The following TENM2 variants were observed in gnomAD, a reference collection of about 807,000 sequenced individuals.
TENM2 encodes teneurin transmembrane protein 2.
Under a neutral mutation model 245.2 loss-of-function variants are expected in TENM2, and 52 were observed. The observed-to-expected ratio is 0.21, with a 90% CI of 0.17 to 0.27. The LOEUF (loss-of-function observed/expected upper bound fraction) is 0.27, where lower values mean the gene tolerates loss of function less well. TENM2 is among the 10% of genes least tolerant of loss of function. The pLI, the probability that TENM2 is intolerant of heterozygous loss-of-function variation, is 1.00. For missense variants in TENM2, 3,046 were observed against 3,666.8 expected, an observed-to-expected ratio of 0.83 and a Z score of 4.37; for synonymous variants, 1,363 against 1,438.9, an observed-to-expected ratio of 0.95 and a Z score of 1.19.
the TENM2 span, among the ~76,000 whole-genome samples, chr5:167,224,235 C>T: frequency 6.6e-6 from 1 of 151,946 alleles, no homozygotes; most frequent in Non-Finnish European, 1.5e-5. Flanking sequence ...GTTGTCTGTG[C>T]TTTTGAGGTC....
intron 2 of TENM2, among the ~76,000 whole-genome samples, chr5:167,646,185 TATATATGTTGTTTTC>T (rs1362327287): frequency 3.9e-4 from 44 of 114,092 alleles, no homozygotes; most frequent in South Asian, 1.7e-3. Flanking sequence ...TTCATATATA[TATATATGTTGTTTTC>T]ATATATATAT....
intron 2 of TENM2, among the ~76,000 whole-genome samples, chr5:167,682,965 A>C (rs757039871): frequency 1.3e-5 from 2 of 152,226 alleles, no homozygotes; most frequent in Non-Finnish European, 2.9e-5. Flanking sequence ...GAAACACAGT[A>C]ATGACACCTT....
the TENM2 span, among the ~76,000 whole-genome samples, chr5:167,024,011 G>A: frequency 1.3e-5 from 2 of 152,084 alleles, no homozygotes; most frequent in Non-Finnish European, 1.5e-5. Context: ...ATGAGAGATC[G>A]AGAGATTTTT....
intron 14 of TENM2, among the ~76,000 whole-genome samples, chr5:168,193,761 G>A (rs544040113): frequency 6.6e-6 from 1 of 152,354 alleles, no homozygotes; most frequent in South Asian, 2.1e-4. Context: ...TGATTTTAAA[G>A]TAGTGTCTGG....
intron 1 of TENM2, among the ~76,000 whole-genome samples, chr5:167,341,598 C>T (rs1758101000): frequency 6.6e-6 from 1 of 151,872 alleles, no homozygotes; most frequent in East Asian, 1.9e-4. Flanking sequence ...AAGTACTTCA[C>T]ATTTGTGATG....
At chr5:167,243,866 GTC>G in the TENM2 span, among the ~76,000 whole-genome samples, 1 of 152,058 alleles carries the variant, frequency 6.6e-6, no homozygotes, top group Non-Finnish European at 1.5e-5. Flanking sequence ...TTCATTCTGT[GTC>G]TAGGACAAGT....
At chr5:167,554,871 C>T (rs1433179781) in intron 2 of TENM2, among the ~76,000 whole-genome samples, 1 of 152,144 alleles carries the variant, frequency 6.6e-6, no homozygotes, top group Non-Finnish European at 1.5e-5. Context: ...TGCTCCTCCT[C>T]CTCCTCCTCC....
At chr5:167,903,249 T>C (rs1373305268) in intron 3 of TENM2, among the ~76,000 whole-genome samples, 1 of 152,178 alleles carries the variant, frequency 6.6e-6, no homozygotes, top group Non-Finnish European at 1.5e-5. Flanking sequence ...AAGCCAGCAC[T>C]GTTATAAGCA....
At chr5:167,137,300 G>A in the TENM2 span, among the ~76,000 whole-genome samples, 1 of 151,814 alleles carries the variant, frequency 6.6e-6, no homozygotes, top group African/African-American at 2.4e-5. Flanking sequence ...TCTTCCCCTT[G>A]ATCTCTTTCT....
upstream of TENM2, among the ~76,000 whole-genome samples, chr5:167,281,368 A>G (rs189234572): frequency 3.5e-3 from 529 of 150,412 alleles, 3 homozygotes; most frequent in African/African-American, 0.012. Context: ...ACCCTCCTCG[A>G]CCTCCCAAAG....
chr5:166,981,894 T>C, the TENM2 span, among the ~76,000 whole-genome samples: 1 of 152,324 alleles, frequency 6.6e-6, no homozygotes, highest in East Asian at 1.9e-4. Context: ...GTTAGATTAC[T>C]ATTCAAACAA....
chr5:168,148,927 A>C (rs1305114344), intron 12 of TENM2, among the ~76,000 whole-genome samples: 1 of 149,608 alleles, frequency 6.7e-6, no homozygotes. Context: ...AGATTGATAG[A>C]TAGCACAAGC....
intron 2 of TENM2, among the ~76,000 whole-genome samples, chr5:167,515,752 A>G (rs1229982311): frequency 7.2e-6 from 1 of 138,274 alleles, no homozygotes; most frequent in East Asian, 2.5e-4. Context: ...TGCAAGCTCC[A>G]CCCTCCGGGT....
intron 28 of TENM2, 25 bp downstream of exon 30, chr5:168,260,438 T>G (rs749425171): frequency 6.2e-7 from 1 of 1,611,508 alleles, no homozygotes; most frequent in Non-Finnish European, 8.5e-7. Context: ...CTGCCAAGAA[T>G]CCAAATGATT....
At chr5:167,593,663 A>G (rs1323514702) in intron 2 of TENM2, among the ~76,000 whole-genome samples, 1 of 152,188 alleles carries the variant, frequency 6.6e-6, no homozygotes, top group African/African-American at 2.4e-5. Context: ...CTTCACTATA[A>G]GCTCTGGATT....
chr5:168,073,207 A>G (rs1367776396), intron 7 of TENM2, among the ~76,000 whole-genome samples: 2 of 152,312 alleles, frequency 1.3e-5, no homozygotes, highest in African/African-American at 4.8e-5. Context: ...TGTCCCTCAC[A>G]TAACATGTTC....
chr5:167,600,664 G>A (rs1776574009), intron 2 of TENM2, among the ~76,000 whole-genome samples: 1 of 152,136 alleles, frequency 6.6e-6, no homozygotes, highest in African/African-American at 2.4e-5. Context: ...GGCCTCAGAG[G>A]CATTTTCAGT....
chr5:167,561,152 T>A (rs1773562588), intron 2 of TENM2, among the ~76,000 whole-genome samples: 1 of 152,198 alleles, frequency 6.6e-6, no homozygotes, highest in African/African-American at 2.4e-5. Context: ...TTTGTCAGAA[T>A]CCATCTACTA....
intron 7 of TENM2, among the ~76,000 whole-genome samples, chr5:168,086,408 A>G (rs1350389473): frequency 6.6e-6 from 1 of 152,202 alleles, no homozygotes; most frequent in Non-Finnish European, 1.5e-5. Flanking sequence ...ACTTTGGGGT[A>G]TGACTGATGA....
Sources: allele counts gnomAD v4.1 joint callset (sites outside exome capture counted in the v4.1 genomes callset), GRCh38; gene constraint gnomAD v4.1.1; transcripts MANE v1.5; gene names NCBI Gene and HGNC (gene_info 2026-07-23, HGNC 2026-07-21).